Variants in CD86 observed in about 807,000 individuals in gnomAD.
The protein encoded by CD86 is T-lymphocyte activation antigen CD86.
A neutral mutation model predicts 32.1 loss-of-function variants in CD86; 11 were observed. That is an observed-to-expected ratio of 0.34 (90% CI 0.22 to 0.57). The LOEUF (loss-of-function observed/expected upper bound fraction) is 0.57, where lower values mean the gene tolerates loss of function less well. Among genes scored for constraint, CD86 ranks in the 20% least tolerant of loss-of-function variants. The pLI is 0.86. For synonymous variants in CD86, 137 were observed against 135.3 expected (o/e 1.01, Z -0.09); for missense variants, 359 against 398.4 (o/e 0.90, Z 0.84).
chr3:122,080,763 G>A (rs1200751437), intron 1 of CD86, among the ~76,000 whole-genome samples: 1 of 152,184 alleles, frequency 6.6e-6, no homozygotes, highest in African/African-American at 2.4e-5. Context: ...ATAAAATCCA[G>A]CCTAAGCTAG....
rs1247522476 is a variant in CD86 at position 122,101,507 on chromosome 3, AAAAAAAAT to A, written c.65-2003_65-1996del. 8.8e-5 allele frequency among the ~76,000 whole-genome samples: 7 copies of A among 79,780 alleles called. No homozygotes were observed. The South Asian group carries it at 1.3e-3, about 15-fold the overall frequency. 52.3% of individuals were successfully genotyped at this position (79,780 alleles called of 152,430 possible). A position where few individuals can be genotyped will look rare whatever the true frequency, so the allele number is the denominator to read the frequency against. On this transcript the variant is annotated intron_variant, in intron 2 of 6. Transcript: ENST00000330540. ...GTGAGGCTCTACAGAAAAAAAAAAAAAAAAAAATATATATATATATATATATATATATA... is the reference window on the plus strand; with the variant it reads ...GTGAGGCTCTACAGAAAAAAAAAAAAATATATATATATATATATATATATA...
chr3:122,117,914 G>A (rs2073278689), intron 5 of CD86, 134 bp from the exon 6 acceptor site: 2 of 702,428 alleles, frequency 2.8e-6, no homozygotes, highest in South Asian at 1.8e-5. Flanking sequence ...CATCATTTGA[G>A]TAACTATCTC....
intron 1 of CD86, among the ~76,000 whole-genome samples, chr3:122,065,328 G>C (rs1242950652): frequency 6.6e-6 from 1 of 152,196 alleles, no homozygotes; most frequent in Non-Finnish European, 1.5e-5. Flanking sequence ...AAAGGTAAAA[G>C]CCAGAGATTG....
intron 6 of CD86, 104 bp downstream of exon 6, chr3:122,118,197 C>T: frequency 1.1e-6 from 1 of 912,718 alleles, no homozygotes; most frequent in Admixed American, 1.9e-5. Context: ...CTCAGCAAAC[C>T]TGAACTAATG....
At chr3:122,088,155 G>A (rs192840308) in intron 1 of CD86, among the ~76,000 whole-genome samples, 2 of 150,550 alleles carry the variant, frequency 1.3e-5, no homozygotes, top group East Asian at 3.9e-4. Flanking sequence ...TCCCATATTA[G>A]GTGGGAGTTC....
chr3:122,103,637 G>C lies in CD86; in HGVS notation c.190G>C (p.Val64Leu). The C allele has an allele frequency of 6.2e-7, 1 of 1,614,004 alleles. No individual in the cohort carries two copies. The highest frequency in any genetic ancestry group is 8.5e-7 in the Non-Finnish European group (1 of 1,179,924). ...ATTTTGGCAGGACCAGGAAAACTTG[G>C]TTCTGAATGAGGTATACTTAGGCAA... Reference protein sequence around the residue: ...VVFWQDQENLVLNEVYLGKEK... With the variant: ...VVFWQDQENLLLNEVYLGKEK... Residue 64 changes from valine (V) to leucine (L), a missense_variant, in exon 3 of 7, where the codon GTT becomes CTT. Transcript: ENST00000330540.
intron 1 of CD86, among the ~76,000 whole-genome samples, chr3:122,074,383 C>G (rs945660329): frequency 1.3e-5 from 2 of 152,164 alleles, no homozygotes; most frequent in Non-Finnish European, 2.9e-5. Flanking sequence ...TCTGGATGAA[C>G]CTTTGAACTT....
intron 1 of CD86, among the ~76,000 whole-genome samples, chr3:122,090,790 A>G (rs1207902627): frequency 6.6e-6 from 1 of 152,226 alleles, no homozygotes; most frequent in East Asian, 1.9e-4. Context: ...GATAGAGGTT[A>G]TAAAGCAAAG....
intron 3 of CD86, among the ~76,000 whole-genome samples, chr3:122,104,429 C>G (rs1024202010): frequency 6.6e-6 from 1 of 152,176 alleles, no homozygotes; most frequent in Non-Finnish European, 1.5e-5. Flanking sequence ...CTTCACGAGA[C>G]CTTGGAAGGC....
intron 1 of CD86, among the ~76,000 whole-genome samples, chr3:122,084,914 T>A (rs2072691461): frequency 6.6e-6 from 1 of 152,244 alleles, no homozygotes; most frequent in Admixed American, 6.5e-5. Context: ...ATTCTTCAGA[T>A]CTCAGTTTAG....
rs1339032858 is a variant in CD86 at position 122,101,507 on chromosome 3, AAAAAAAATATATATAT to A, written c.65-2003_65-1988del. ...GTGAGGCTCTACAGAAAAAAAAAAA[AAAAAAAATATATATAT>A]ATATATATATATATATATGTAAATC... On this transcript the variant is annotated intron_variant, in intron 2 of 6. Transcript: ENST00000330540. Among the ~76,000 whole-genome samples, 70 of 79,778 alleles carry A rather than the reference AAAAAAAATATATATAT, an allele frequency of 8.8e-4. 1 individual carries two copies. Among genetic ancestry groups the A allele is most frequent in the Admixed American group, 5.0e-3 (36 of 7,228 alleles). 52.3% of individuals were successfully genotyped at this position (79,778 alleles called of 152,430 possible). A position where few individuals can be genotyped will look rare whatever the true frequency, so the allele number is the denominator to read the frequency against.
At chr3:122,062,210 G>A (rs187382352) in intron 1 of CD86, among the ~76,000 whole-genome samples, 10 of 152,114 alleles carry the variant, frequency 6.6e-5, no homozygotes, top group Admixed American at 6.5e-4. Flanking sequence ...GGGAGGGTTG[G>A]GAGTAATCAT....
At chr3:122,080,680 C>T (rs530658480) in intron 1 of CD86, among the ~76,000 whole-genome samples, 6 of 152,224 alleles carry the variant, frequency 3.9e-5, no homozygotes, top group East Asian at 1.9e-4. Flanking sequence ...AACAAGCATT[C>T]GGTCAGAAAA....
At chr3:122,116,904 G>A (rs567401040) in intron 5 of CD86, among the ~76,000 whole-genome samples, 11 of 152,258 alleles carry the variant, frequency 7.2e-5, no homozygotes, top group East Asian at 3.9e-4. Context: ...GCTGAAAAGC[G>A]AACTATTTTG....
At chr3:122,111,380 A>G (rs2073170971) in intron 5 of CD86, among the ~76,000 whole-genome samples, 1 of 152,258 alleles carries the variant, frequency 6.6e-6, no homozygotes, top group African/African-American at 2.4e-5. Context: ...CCTATACTCC[A>G]GAACCTGTAA....
chr3:122,091,037 C>A (rs1035286353), intron 1 of CD86, among the ~76,000 whole-genome samples: 7 of 152,138 alleles, frequency 4.6e-5, no homozygotes, highest in African/African-American at 1.7e-4. Context: ...GATTTCTAAG[C>A]GTAAATGCAA....
chr3:122,109,593 T>G (rs2073142841), intron 5 of CD86, among the ~76,000 whole-genome samples, 185 bp downstream of exon 5: 1 of 152,256 alleles, frequency 6.6e-6, no homozygotes, highest in African/African-American at 2.4e-5. Flanking sequence ...ATGCTGCTCT[T>G]GGACTTCAAA....
At chr3:122,059,535 CAAAAAAA>C (rs35060876) in intron 1 of CD86, among the ~76,000 whole-genome samples, 1 of 67,960 alleles carries the variant, frequency 1.5e-5, no homozygotes, top group South Asian at 5.4e-4. Context: ...GACTCCGTCT[CAAAAAAA>C]AAAAAAAAAG....
intron 2 of CD86, among the ~76,000 whole-genome samples, chr3:122,094,267 T>G (rs1316268247): frequency 6.6e-6 from 1 of 152,232 alleles, no homozygotes; most frequent in Non-Finnish European, 1.5e-5. Flanking sequence ...AGACACTCTA[T>G]GAAAACTGAG....
Sources: gnomAD v4.1 joint callset for allele counts (sites outside exome capture counted in the v4.1 genomes callset) on GRCh38, gnomAD v4.1.1 for gene constraint, MANE v1.5 for transcripts, NCBI Gene and HGNC (gene_info 2026-07-23, HGNC 2026-07-21) for gene names.